The following CSTF1 variants were observed in gnomAD, a reference collection of about 807,000 sequenced individuals.
The protein encoded by CSTF1 is cleavage stimulation factor subunit 1, also known as CF-1 50 kDa subunit.
A neutral mutation model predicts 40.9 loss-of-function variants in CSTF1; 2 were observed. The ratio of observed to expected loss-of-function variants is 0.05; its 90% confidence interval spans 0.02 to 0.15. CSTF1 has a LOEUF of 0.15. CSTF1 is among the 10% of genes least tolerant of loss of function. The pLI, the probability that CSTF1 is intolerant of heterozygous loss-of-function variation, is 1.00. For missense variants in CSTF1, 279 were observed against 558.9 expected, an observed-to-expected ratio of 0.50 and a Z score of 5.05; for synonymous variants, 218 against 207.2, an observed-to-expected ratio of 1.05 and a Z score of -0.45.
At chr20:56,402,506 A>G (rs1479091688) in intron 5 of CSTF1, among the ~76,000 whole-genome samples, 1 of 152,236 alleles carries the variant, frequency 6.6e-6, no homozygotes, top group Non-Finnish European at 1.5e-5. Context: ...CCTTTTGGAA[A>G]GTAGATATTC....
At chr20:56,395,755 G>A (rs1485830962) in intron 2 of CSTF1, 34 bp downstream of exon 2, 1 of 1,602,062 alleles carries the variant, frequency 6.2e-7, no homozygotes, top group Admixed American at 1.7e-5. Flanking sequence ...ACGTCCCATG[G>A]CAAGGTTTTA....
chr20:56,401,578 A>G (rs147533491), intron 5 of CSTF1, among the ~76,000 whole-genome samples: 71 of 152,356 alleles, frequency 4.7e-4, no homozygotes, highest in African/African-American at 1.7e-3. Flanking sequence ...AGGTAATTGG[A>G]CAGACATGCA....
At position 56,399,274 on chromosome 20, in the gene CSTF1, C is replaced by G; in HGVS notation, c.953C>G (p.Ser318Cys). 1.2e-6 allele frequency: 2 copies of G among 1,614,130 alleles called. No homozygotes were observed. Among genetic ancestry groups the G allele is most frequent in the South Asian group, 2.2e-5 (2 of 91,090 alleles). Residue 318 changes from serine to cysteine, a missense_variant, in exon 5 of 6, where the codon TCT (serine) becomes TGT (cysteine). Transcript: ENST00000217109. The surrounding 1 kb of genome is among the most constrained non-coding windows in gnomAD (Gnocchi z 4.6). ...TGTTCTGCCATTTTTTCCAAAAATTCTAAATACATTCTCTCAAGTGGAAAA... is the reference window on the plus strand; with the variant it reads ...TGTTCTGCCATTTTTTCCAAAAATTGTAAATACATTCTCTCAAGTGGAAAA... ...EVCSAIFSKN[S>C]KYILSSGKDS...
rs1206172077 is a variant in CSTF1, at chr20:56,403,508, T to C, written c.1077T>C (p.Ala359=). 7 of 1,614,028 alleles carry C rather than the reference T, an allele frequency of 4.3e-6. No individual in the cohort carries two copies. In the African/African-American group the frequency reaches 8.0e-5, roughly 18 times the overall value. The change falls in exon 6 of 6, where the codon GCT becomes GCC. Residue 359 remains alanine, a synonymous_variant. Transcript: ENST00000217109. Reference sequence around the variant, plus strand: ...GACGCCAGGTGCACCGGACACAGGCTGTGTTTAACCACACCGAGGACTATG... The same window carrying C: ...GACGCCAGGTGCACCGGACACAGGCCGTGTTTAACCACACCGAGGACTATG... ...LSGRQVHRTQ[A]VFNHTEDYVL...
chr20:56,400,609 G>A (rs1044468341), intron 5 of CSTF1, among the ~76,000 whole-genome samples: 2 of 152,048 alleles, frequency 1.3e-5, no homozygotes, highest in Admixed American at 6.6e-5. Flanking sequence ...GTTTTAGTGG[G>A]GAATAGCAGT....
At chr20:56,393,986 G>C (rs11696737) in intron 1 of CSTF1, among the ~76,000 whole-genome samples, 1 of 152,246 alleles carries the variant, frequency 6.6e-6, no homozygotes, top group Non-Finnish European at 1.5e-5. Context: ...GTTAAGCTCA[G>C]GGATCTGGAG....
At position 56,398,954 on chromosome 20, in the gene CSTF1, T is replaced by C. The variant is rs1461582911; in HGVS notation, c.646-13T>C. 1.1e-5 allele frequency: 17 copies of C among 1,583,016 alleles called. No homozygotes were observed. The highest frequency in any genetic ancestry group is 1.5e-5 in the Non-Finnish European group (17 of 1,163,160). ...CCAGTTGGTCACTTGTATTAATGTC[T>C]CTGTCCCAACAGGAAGCTGAAATGT... On this transcript the variant is annotated splice_polypyrimidine_tract_variant and intron_variant, in intron 4 of 5. Coordinates refer to ENST00000217109, the MANE Select transcript of CSTF1 (RefSeq NM_001324.3).
chr20:56,402,114 C>T (rs1978479900), intron 5 of CSTF1, among the ~76,000 whole-genome samples: 1 of 152,132 alleles, frequency 6.6e-6, no homozygotes, highest in Non-Finnish European at 1.5e-5. Flanking sequence ...TGAGACCAGC[C>T]TGGCCAACAT....
chr20:56,395,526 A>G lies in CSTF1; in HGVS notation c.-27A>G, dbSNP rs1987492266. 6.2e-7 allele frequency: 1 copy of G among 1,600,366 alleles called. No individual in the cohort carries two copies. Among genetic ancestry groups the G allele is most frequent in the Non-Finnish European group, 8.5e-7 (1 of 1,172,050 alleles). On this transcript the variant is annotated 5_prime_UTR_variant, in exon 2 of 6. Coordinates refer to ENST00000217109, the MANE Select transcript of CSTF1 (RefSeq NM_001324.3). ...TCCATTTTCCGTTTTTGCAGCTGGCAGGGAAACTGTCTTCCTTTTCTCCAA... is the reference window on the plus strand; with the variant it reads ...TCCATTTTCCGTTTTTGCAGCTGGCGGGGAAACTGTCTTCCTTTTCTCCAA...
Position 56,403,393 on chromosome 20 carries a change from T to C in CSTF1, c.1037-75T>C, listed in dbSNP as rs1978556013. ...CACTGCAACAGGTTTAAAATGCTTT[T>C]ACATTGAATGCTAGAACGTTCTGAG... is the stretch of plus-strand genomic sequence containing the variant. On this transcript the variant is annotated intron_variant, in intron 5 of 5. Coordinates refer to ENST00000217109, the MANE Select transcript of CSTF1 (RefSeq NM_001324.3). The C allele has an allele frequency of 1.2e-5, 19 of 1,556,806 alleles. No individual in the cohort carries two copies. The South Asian group carries it at 2.0e-4, about 17-fold the overall frequency.
Position 56,401,326 on chromosome 20 carries a change from A to G in CSTF1, c.1036+1969A>G, listed in dbSNP as rs182039120. 9.2e-4 allele frequency among the ~76,000 whole-genome samples: 140 copies of G among 152,310 alleles called. 1 individual carries two copies. The highest frequency in any genetic ancestry group is 1.7e-3 in the Non-Finnish European group (118 of 68,036). ...GAAGAGAAAAATGGTCAGGAAATGT[A>G]AGAAAAGGTGGCCAGCCTTGCTGCA... is the stretch of plus-strand genomic sequence containing the variant. On this transcript the variant is annotated intron_variant, in intron 5 of 5. Coordinates refer to ENST00000217109, the MANE Select transcript of CSTF1 (RefSeq NM_001324.3).
chr20:56,398,890 C>G, intron 4 of CSTF1, 77 bp from the exon 5 acceptor site: 2 of 1,309,682 alleles, frequency 1.5e-6, no homozygotes, highest in Non-Finnish European at 2.1e-6. Context: ...TTTTCATCAG[C>G]CAGATATTTT....
chr20:56,400,249 T>C (rs1978395499), intron 5 of CSTF1, among the ~76,000 whole-genome samples: 1 of 152,206 alleles, frequency 6.6e-6, no homozygotes, highest in South Asian at 2.1e-4. Context: ...TGTCTCATTG[T>C]AACCAAAGTT....
At chr20:56,394,312 G>A (rs576298537) in intron 1 of CSTF1, among the ~76,000 whole-genome samples, 6 of 152,258 alleles carry the variant, frequency 3.9e-5, no homozygotes, top group African/African-American at 7.2e-5. Context: ...TGGGCCAGGC[G>A]CAGTGGCTCG....
chr20:56,394,550 G>C (rs1279473976), intron 1 of CSTF1, among the ~76,000 whole-genome samples: 3 of 152,200 alleles, frequency 2.0e-5, no homozygotes, highest in Admixed American at 6.5e-5. Flanking sequence ...TCGCGCCACT[G>C]CCCTCAAGCC....
chr20:56,397,815 G>A lies in CSTF1; in HGVS notation c.619G>A (p.Ala207Thr), dbSNP rs747230088. The A allele has an allele frequency of 6.2e-7, 1 of 1,613,164 alleles. No individual in the cohort carries two copies. The highest frequency in any genetic ancestry group is 1.1e-5 in the South Asian group (1 of 90,952). Residue 207 changes from alanine (A) to threonine (T), a missense_variant, in exon 4 of 6, where the codon GCA (alanine) becomes ACA (threonine). Coordinates refer to ENST00000217109, the MANE Select transcript of CSTF1 (RefSeq NM_001324.3). This position sits in a 1 kb window ranked among gnomAD's most constrained non-coding sequence, Gnocchi z 4.4. ...ATTATTTGATTATTCCAAACCATCA[G>A]CAAAAAGAGCCTTCAAATACATTCA... ...LKLFDYSKPS[A>T]KRAFKYIQEA...
At chr20:56,400,127 CAAAA>C (rs576842971) in intron 5 of CSTF1, among the ~76,000 whole-genome samples, 6 of 151,594 alleles carry the variant, frequency 4.0e-5, no homozygotes, top group Non-Finnish European at 5.9e-5. Context: ...GAGCATAACT[CAAAA>C]AAAATCACAA....
intron 5 of CSTF1, among the ~76,000 whole-genome samples, chr20:56,402,301 T>C (rs1405770502): frequency 2.1e-5 from 3 of 144,314 alleles, no homozygotes; most frequent in Non-Finnish European, 4.5e-5. Context: ...AGTAAGACTC[T>C]ATCTCAAAAA....
intron 1 of CSTF1, among the ~76,000 whole-genome samples, chr20:56,392,968 G>T (rs985286060): frequency 1.3e-5 from 2 of 152,090 alleles, no homozygotes; most frequent in African/African-American, 2.4e-5. Context: ...GGGCATCTGT[G>T]TTCTAGCCTT....
Sources: allele counts gnomAD v4.1 joint callset (sites outside exome capture counted in the v4.1 genomes callset), GRCh38; gene constraint gnomAD v4.1.1; non-coding constraint Gnocchi (gnomAD v3.1); transcripts MANE v1.5; gene names NCBI Gene and HGNC (gene_info 2026-07-23, HGNC 2026-07-21).